The following CTNNA2 variants were observed in gnomAD, a reference collection of about 807,000 sequenced individuals.
The protein encoded by CTNNA2 is catenin alpha 2.
In CTNNA2, 42 loss-of-function variants were observed where a neutral mutation model predicts 101.0. The observed-to-expected ratio is 0.42, with a 90% CI of 0.32 to 0.54. CTNNA2 has a LOEUF of 0.54. CTNNA2 is among the 20% of genes least tolerant of loss of function. The pLI is 0.14. For synonymous variants in CTNNA2, 450 were observed against 456.4 expected (o/e 0.99, Z 0.18); for missense variants, 871 against 1,223.1 (o/e 0.71, Z 4.29).
At chr2:80,462,627 C>CTTTTTTTTTTTTTTTTTTTTTTTTT (rs1161384853) in intron 9 of CTNNA2, among the ~76,000 whole-genome samples, 2 of 114,376 alleles carry the variant, frequency 1.7e-5, no homozygotes, top group African/African-American at 7.4e-5. Context: ...TTCTTTCTTT[C>CTTTTTTTTTTTTTTTTTTTTTTTTT]TTTCTTTTTT....
chr2:79,626,787 A>T (rs1380228509), intron 1 of CTNNA2, among the ~76,000 whole-genome samples: 1 of 151,992 alleles, frequency 6.6e-6, no homozygotes, highest in Non-Finnish European at 1.5e-5. Flanking sequence ...AACATGCGTT[A>T]TATTTTAGAA....
intron 7 of CTNNA2, among the ~76,000 whole-genome samples, chr2:79,923,554 A>C (rs1003998410): frequency 6.6e-6 from 1 of 152,214 alleles, no homozygotes; most frequent in African/African-American, 2.4e-5. Flanking sequence ...TAACATATCA[A>C]TCACCTTACC....
intron 7 of CTNNA2, among the ~76,000 whole-genome samples, chr2:79,988,482 G>A (rs1691930011): frequency 6.6e-6 from 1 of 151,386 alleles, no homozygotes; most frequent in Non-Finnish European, 1.5e-5. Context: ...GTGTGTGTGT[G>A]TGTGTGTGTG....
chr2:79,599,868 C>G (rs1353979390), intron 1 of CTNNA2, among the ~76,000 whole-genome samples: 1 of 152,060 alleles, frequency 6.6e-6, no homozygotes, highest in Non-Finnish European at 1.5e-5. Context: ...CTGACCAGAA[C>G]TAGTGAAGAG....
chr2:79,410,604 A>G (rs1678398532), intron 4 of CTNNA2, among the ~76,000 whole-genome samples: 4 of 151,994 alleles, frequency 2.6e-5, no homozygotes, highest in African/African-American at 7.3e-5. Flanking sequence ...GATTACATTT[A>G]TTGATTTGTG....
chr2:79,671,146 C>T (rs1187427450), intron 2 of CTNNA2, among the ~76,000 whole-genome samples: 1 of 152,120 alleles, frequency 6.6e-6, no homozygotes, highest in Non-Finnish European at 1.5e-5. Flanking sequence ...TGCACTGGAT[C>T]CTTGGGGAAA....
chr2:79,383,411 G>T (rs1002898075), intron 4 of CTNNA2, among the ~76,000 whole-genome samples: 1 of 152,176 alleles, frequency 6.6e-6, no homozygotes, highest in African/African-American at 2.4e-5. Context: ...ATAGAGAAAA[G>T]TGTGTGGAAA....
chr2:80,627,933 A>T (rs1364882896), intron 18 of CTNNA2, among the ~76,000 whole-genome samples: 1 of 152,174 alleles, frequency 6.6e-6, no homozygotes, highest in African/African-American at 2.4e-5. Flanking sequence ...TACAAAATCA[A>T]TGTGCAAAAA....
At chr2:79,982,192 C>CTATATATATATATATATA (rs70940064) in intron 7 of CTNNA2, among the ~76,000 whole-genome samples, 21 of 75,032 alleles carry the variant, frequency 2.8e-4, no homozygotes, top group African/African-American at 3.5e-4. Flanking sequence ...GCATGTGCCA[C>CTATATATATATATATATA]TATATATATA....
chr2:79,557,530 T>TA (rs1173216119), intron 1 of CTNNA2, among the ~76,000 whole-genome samples: 1 of 151,974 alleles, frequency 6.6e-6, no homozygotes, highest in Non-Finnish European at 1.5e-5. Context: ...AATGCTGTTC[T>TA]AATGGTTTCA....
intron 11 of CTNNA2, among the ~76,000 whole-genome samples, chr2:80,551,795 G>T (rs190259220): frequency 6.6e-6 from 1 of 152,084 alleles, no homozygotes; most frequent in East Asian, 1.9e-4. Context: ...TCTTATCTGG[G>T]TGTTCATTGG....
chr2:79,456,260 T>A, intron 4 of CTNNA2, among the ~76,000 whole-genome samples: 1 of 151,862 alleles, frequency 6.6e-6, no homozygotes, highest in East Asian at 1.9e-4. Context: ...TCTTAGAATC[T>A]GTCTTTTGCT....
chr2:79,947,892 C>G (rs1688612206), intron 7 of CTNNA2, among the ~76,000 whole-genome samples: 1 of 152,072 alleles, frequency 6.6e-6, no homozygotes, highest in African/African-American at 2.4e-5. Flanking sequence ...CTTAAAGAGG[C>G]AGATTTGATA....
intron 7 of CTNNA2, among the ~76,000 whole-genome samples, chr2:79,948,221 C>T (rs1271074024): frequency 6.6e-6 from 1 of 152,220 alleles, no homozygotes; most frequent in Non-Finnish European, 1.5e-5. Context: ...TTCATCTTCC[C>T]TAGCACAGAG....
intron 3 of CTNNA2, among the ~76,000 whole-genome samples, chr2:79,840,945 A>G (rs1679760772): frequency 6.6e-6 from 1 of 151,880 alleles, no homozygotes; most frequent in Non-Finnish European, 1.5e-5. Context: ...AATTTTTTGT[A>G]TTTTTAGTAG....
chr2:79,873,544 C>T (rs1259867718), intron 5 of CTNNA2, among the ~76,000 whole-genome samples: 4 of 152,060 alleles, frequency 2.6e-5, no homozygotes, highest in Admixed American at 1.3e-4. Context: ...TGTGCCAAGT[C>T]AGTGGAGCCC....
chr2:79,187,065 G>C (rs757986712), intron 1 of CTNNA2, among the ~76,000 whole-genome samples: 2 of 152,032 alleles, frequency 1.3e-5, no homozygotes, highest in African/African-American at 4.8e-5. Context: ...ATTTATAGCT[G>C]ATTATTGAAA....
Position 79,492,221 on chromosome 2 carries a change from T to A in CTNNA2, c.-134-12833T>A, listed in dbSNP as rs541374994. ...AATGTGGCCTATTAGAATAACCATATTGAACTCTAATTTTAGAATTTGTAA... is the reference window on the plus strand; with the variant it reads ...AATGTGGCCTATTAGAATAACCATAATGAACTCTAATTTTAGAATTTGTAA... On this transcript the variant is annotated intron_variant, in intron 4 of 21. Coordinates refer to the CTNNA2 transcript ENST00000466387. Among the ~76,000 whole-genome samples, 1,314 of 152,120 alleles carry A rather than the reference T, an allele frequency of 8.6e-3. 18 individuals are homozygous for A. Among genetic ancestry groups the A allele is most frequent in the African/African-American group, 0.028 (1,174 of 41,558 alleles).
Position 80,648,167 on chromosome 2 carries a change from A to AT in CTNNA2, c.*296dup, listed in dbSNP as rs1674312068. 4.7e-6 allele frequency: 1 copy of AT among 215,018 alleles called. No individual in the cohort carries two copies. Among genetic ancestry groups the AT allele is most frequent in the Admixed American group, 5.6e-5 (1 of 17,730 alleles). 13.3% of individuals were successfully genotyped at this position (215,018 alleles called of 1,614,324 possible). On this transcript the variant is annotated 3_prime_UTR_variant, in exon 19 of 19. Coordinates refer to ENST00000402739, the MANE Select transcript of CTNNA2 (RefSeq NM_001282597.3). ...CGCAATATTTATGGGAGTGGGAGGG[A>AT]TGGGGAAAATAAACTTAACTCTACA...
Sources: gnomAD v4.1 joint callset for allele counts (sites outside exome capture counted in the v4.1 genomes callset) on GRCh38, gnomAD v4.1.1 for gene constraint, MANE v1.5 for transcripts, NCBI Gene and HGNC (gene_info 2026-07-23, HGNC 2026-07-21) for gene names.